The following MYH9 variants were observed in gnomAD, a reference collection of about 807,000 sequenced individuals.
The protein encoded by MYH9 is myosin heavy chain 9, also known as myosin-9.
Under a neutral mutation model 241.9 loss-of-function variants are expected in MYH9, and 29 were observed. The ratio of observed to expected loss-of-function variants is 0.12; its 90% CI spans 0.09 to 0.16. The LOEUF is 0.16. Ranked by LOEUF, MYH9 falls within the 10% of genes least tolerant of loss-of-function variation. The pLI, the probability that MYH9 is intolerant of heterozygous loss-of-function variation, is 1.00. For synonymous variants in MYH9, 1,047 were observed against 1,062.6 expected (o/e 0.99, Z 0.29); for missense variants, 1,803 against 2,595.5 (o/e 0.69, Z 6.63).
intron 20 of MYH9, 68 bp from the exon 21 acceptor site, chr22:36,301,733 G>A: frequency 1.3e-6 from 2 of 1,596,362 alleles, no homozygotes; most frequent in Non-Finnish European, 1.7e-6. Context: ...ACAGGTGTGA[G>A]GCCTCTCCCT....
chr22:36,347,605 C>T (rs1603484004), intron 2 of MYH9, among the ~76,000 whole-genome samples: 2 of 151,834 alleles, frequency 1.3e-5, no homozygotes, highest in Middle Eastern at 3.4e-3. Context: ...CGTGGTGGCA[C>T]AGGCCTGTAG....
chr22:36,283,906 A>G (rs1221897399), intron 40 of MYH9, among the ~76,000 whole-genome samples, 187 bp downstream of exon 40: 1 of 152,238 alleles, frequency 6.6e-6, no homozygotes, highest in Non-Finnish European at 1.5e-5. Flanking sequence ...TAAACTACCT[A>G]GAGTTTACTG....
intron 1 of MYH9, among the ~76,000 whole-genome samples, chr22:36,384,629 TATATATATATATATATATATATAC>T (rs1569537409): frequency 1.2e-5 from 1 of 83,504 alleles, no homozygotes; most frequent in African/African-American, 4.4e-5. Flanking sequence ...TATATATATA[TATATATATATATATATATATATAC>T]AGCCACTACA....
intron 1 of MYH9, among the ~76,000 whole-genome samples, chr22:36,350,197 T>A (rs2017743732): frequency 6.6e-6 from 1 of 152,198 alleles, no homozygotes; most frequent in African/African-American, 2.4e-5. Flanking sequence ...CCAAGAGAAC[T>A]TAAGTTCATG....
chr22:36,372,693 G>A (rs548239714), intron 1 of MYH9, among the ~76,000 whole-genome samples: 14 of 152,228 alleles, frequency 9.2e-5, no homozygotes, highest in Admixed American at 1.3e-4. Flanking sequence ...CAAGGAGCTC[G>A]GCAAATCTGC....
intron 15 of MYH9, among the ~76,000 whole-genome samples, chr22:36,307,282 C>T (rs1428936131): frequency 1.3e-5 from 2 of 152,110 alleles, no homozygotes; most frequent in African/African-American, 2.4e-5. Context: ...TCATGTAAAC[C>T]GACCCTCAAG....
intron 25 of MYH9, among the ~76,000 whole-genome samples, chr22:36,296,265 C>T (rs1284743722): frequency 1.3e-5 from 2 of 152,048 alleles, no homozygotes; most frequent in Non-Finnish European, 2.9e-5. Context: ...AACAGAGTCT[C>T]GCTCTGTCAC....
rs748502999 is a variant in MYH9, at chr22:36,293,467, C to T, written c.3957G>A (p.Glu1319=). 3.7e-6 allele frequency: 6 copies of T among 1,613,482 alleles called. No homozygotes were observed. The East Asian group carries it at 1.3e-4, about 36-fold the overall frequency. Residue 1319 remains glutamate, a synonymous_variant, in exon 30 of 41, where the codon GAG becomes GAA. Coordinates refer to ENST00000216181, the MANE Select transcript of MYH9 (RefSeq NM_002473.6). The surrounding 1 kb of genome is among the most constrained non-coding windows in gnomAD (Gnocchi z 5.1). ...TCAGGCTCAGCTTCTGCCGGTTCTC[C>T]TCCTGCAGCAGCTCCTACTCGCGGG... The part of the protein sequence containing the change: ...QLQDTQELLQ[E]ENRQKLSLST...
At chr22:36,338,618 G>C (rs1277045048) in intron 3 of MYH9, among the ~76,000 whole-genome samples, 2 of 151,814 alleles carry the variant, frequency 1.3e-5, no homozygotes, top group Non-Finnish European at 2.9e-5. Flanking sequence ...AGGAGTTCAA[G>C]ACCAGCCTGA....
chr22:36,335,324 C>T (rs572635369), intron 3 of MYH9, among the ~76,000 whole-genome samples: 218 of 152,352 alleles, frequency 1.4e-3, no homozygotes, highest in Non-Finnish European at 2.4e-3. Context: ...GGAGAGCCCA[C>T]GCTGCCTCCA....
chr22:36,287,446 T>G (rs1418451725), intron 34 of MYH9, among the ~76,000 whole-genome samples: 1 of 152,128 alleles, frequency 6.6e-6, no homozygotes, highest in Non-Finnish European at 1.5e-5. Flanking sequence ...TTTTTTACAC[T>G]TAACATTTTT....
chr22:36,366,944 T>A (rs1398041583), intron 1 of MYH9, among the ~76,000 whole-genome samples: 2 of 152,128 alleles, frequency 1.3e-5, no homozygotes, highest in African/African-American at 2.4e-5. Flanking sequence ...GTGTGCACAC[T>A]CTACAAATGG....
rs924002732 is a variant in MYH9 at position 36,295,529 on chromosome 22, G to A, written c.3461C>T (p.Ser1154Phe). ...LKTELEDTLD[S>F]TAAQQELRSK... ...CCTGAGCTCCTGCTGGGCAGCTGTG[G>A]AATCCAGCGTGTCCTCCAACTCTGT... The change falls in exon 26 of 41, where the codon TCC becomes TTC. Residue 1154 changes from serine (S) to phenylalanine (F), a missense_variant. This residue lies in a region of MYH9 where 11 missense variants were observed against 37.1 expected (regional missense o/e 0.30). Transcript: ENST00000216181. This position sits in a 1 kb window ranked among gnomAD's most constrained non-coding sequence, Gnocchi z 4.1. The A allele has an allele frequency of 6.2e-7, 1 of 1,613,136 alleles. No homozygotes were observed. The highest frequency in any genetic ancestry group is 1.7e-5 in the Admixed American group (1 of 59,982).
rs1488079328 is a variant in MYH9, at chr22:36,327,477, G to T, written c.502C>A (p.Gln168Lys). The stretch of plus-strand genomic sequence containing the variant: ...AATACTTACGTGCACAAGATGGATT[G>T]ATCTTCTCGGTCTGAAACAAAGAAG... ...YRSMMQDRED[Q>K]SILCTGESGA... The change falls in exon 4 of 41, where the codon CAA (glutamine) becomes AAA (lysine). Residue 168 changes from glutamine (Q) to lysine (K), a missense_variant. Gln to Lys is a moderately conservative substitution (Grantham distance 53). This residue lies in a region of MYH9 where 72 missense variants were observed against 134.3 expected (regional missense o/e 0.54). Coordinates refer to ENST00000216181, the MANE Select transcript of MYH9 (RefSeq NM_002473.6). The T allele has an allele frequency of 6.2e-7, 1 of 1,614,030 alleles. No homozygotes were observed.
At chr22:36,314,996 C>A (rs1162435076) in intron 12 of MYH9, among the ~76,000 whole-genome samples, 1 of 152,138 alleles carries the variant, frequency 6.6e-6, no homozygotes, top group Non-Finnish European at 1.5e-5. Context: ...GTTGCCCAGG[C>A]TGGTCTCAAA....
chr22:36,325,128 AAAG>A (rs2017314527), intron 5 of MYH9: 1 of 766,962 alleles, frequency 1.3e-6, no homozygotes, highest in Admixed American at 1.8e-5. Flanking sequence ...GGCCTCCTAA[AAAG>A]AATGGAAAAT....
chr22:36,324,532 G>A (rs900137851), intron 5 of MYH9, among the ~76,000 whole-genome samples: 7 of 152,350 alleles, frequency 4.6e-5, no homozygotes, highest in South Asian at 2.1e-4. Flanking sequence ...TGCGGCCCAG[G>A]CCAAACCTGG....
At chr22:36,308,854 C>CT in intron 15 of MYH9, 1 of 985,418 alleles carries the variant, frequency 1.0e-6, no homozygotes, top group Non-Finnish European at 1.2e-6. Flanking sequence ...AATAGGCTCT[C>CT]TGAGTGCTCT....
At chr22:36,298,194 T>C (rs1006665590) in intron 24 of MYH9, among the ~76,000 whole-genome samples, 2 of 151,826 alleles carry the variant, frequency 1.3e-5, no homozygotes, top group African/African-American at 4.8e-5. Context: ...GGTTTTGGTC[T>C]CCCTCCCCTG....
Sources: allele counts gnomAD v4.1 joint callset (sites outside exome capture counted in the v4.1 genomes callset), GRCh38; gene constraint gnomAD v4.1.1; regional missense constraint gnomAD v4.1.1; non-coding constraint Gnocchi (gnomAD v3.1); transcripts MANE v1.5; gene names NCBI Gene and HGNC (gene_info 2026-07-23, HGNC 2026-07-21).